Variants in NFS1 observed in about 807,000 individuals in gnomAD.
NFS1 encodes NFS1 cysteine desulfurase, also known as cysteine desulfurase.
Under a neutral mutation model 57.3 loss-of-function variants are expected in NFS1, and 26 were observed. The observed-to-expected ratio is 0.45, with a 90% CI of 0.33 to 0.63. The LOEUF is 0.63. NFS1 is among the 20% of genes least tolerant of loss of function. The pLI, the probability that NFS1 is intolerant of heterozygous loss-of-function variation, is 0.02. For synonymous variants in NFS1, 209 were observed against 216.3 expected (o/e 0.97, Z 0.30); for missense variants, 505 against 605.8 (o/e 0.83, Z 1.75).
In NFS1 at chr20:35,686,350, CAA is replaced by C. The variant is rs55861739; in HGVS notation, c.561+4061_561+4062del. ...GGGCAATAAGAGCGAAACTCCATCT[CAA>C]AAAAAAAAAAAAAAAAAAGTGCAAA... On this transcript the variant is annotated intron_variant, in intron 5 of 12. Coordinates refer to ENST00000374092, the MANE Select transcript of NFS1 (RefSeq NM_021100.5). Among the ~76,000 whole-genome samples, 118 of 69,528 alleles carry C rather than the reference CAA, an allele frequency of 1.7e-3. 1 individual carries two copies. Among genetic ancestry groups the C allele is most frequent in the Middle Eastern group, 7.5e-3 (1 of 134 alleles). The allele number at this position is 69,528 out of a possible 152,430, so 45.6% of individuals were successfully genotyped here. A position where few individuals can be genotyped will look rare whatever the true frequency, so the allele number is the denominator to read the frequency against.
At chr20:35,671,823 C>T (rs1329541912) in intron 12 of NFS1, among the ~76,000 whole-genome samples, 3 of 134,322 alleles carry the variant, frequency 2.2e-5, no homozygotes, top group Non-Finnish European at 4.7e-5. Flanking sequence ...TTGGGAGGCA[C>T]AAGTTGCAGT....
intron 5 of NFS1, among the ~76,000 whole-genome samples, chr20:35,686,580 G>C (rs925241065): frequency 2.0e-5 from 3 of 152,010 alleles, no homozygotes; most frequent in African/African-American, 7.3e-5. Flanking sequence ...TGAATATCAG[G>C]CAAAATGAAG....
intron 5 of NFS1, among the ~76,000 whole-genome samples, chr20:35,683,928 A>G (rs1213876564): frequency 1.3e-5 from 2 of 151,452 alleles, no homozygotes; most frequent in African/African-American, 4.9e-5. Context: ...AGCCTGGCCA[A>G]CATGGTGAAA....
intron 5 of NFS1, among the ~76,000 whole-genome samples, chr20:35,683,858 T>A (rs920970784): frequency 6.7e-6 from 1 of 149,620 alleles, no homozygotes; most frequent in Non-Finnish European, 1.5e-5. Flanking sequence ...CTGGGTATGG[T>A]GGCTCACGCC....
intron 7 of NFS1, among the ~76,000 whole-genome samples, chr20:35,676,758 G>GAAAAAAAAAA (rs746820595): frequency 5.5e-3 from 100 of 18,058 alleles, no homozygotes; most frequent in Admixed American, 9.2e-3. Flanking sequence ...GAGAAAATCA[G>GAAAAAAAAAA]AAAAAAAAAA....
intron 6 of NFS1, 106 bp downstream of exon 6, chr20:35,681,782 C>G (rs185735758): frequency 3.2e-6 from 2 of 625,966 alleles, no homozygotes; most frequent in East Asian, 5.6e-5. Context: ...CTTAGGCTTT[C>G]CCTTGATTTC....
chr20:35,682,894 CA>C (rs1236584722), intron 5 of NFS1: 2 of 161,002 alleles, frequency 1.2e-5, no homozygotes, highest in Non-Finnish European at 1.3e-5. Flanking sequence ...CTGGCTAACA[CA>C]GTGAAACCCT....
intron 10 of NFS1, 74 bp downstream of exon 10, chr20:35,674,276 C>G: frequency 8.5e-7 from 1 of 1,177,594 alleles, no homozygotes; most frequent in Non-Finnish European, 1.3e-6. Context: ...CATCTCCACA[C>G]TGGGAAGTTT....
chr20:35,689,490 C>T (rs965453259), intron 5 of NFS1, among the ~76,000 whole-genome samples: 2 of 151,706 alleles, frequency 1.3e-5, no homozygotes, highest in South Asian at 2.1e-4. Context: ...CAAGTGTGGC[C>T]GGGCACGGTG....
intron 4 of NFS1, among the ~76,000 whole-genome samples, chr20:35,693,108 GTTTA>G (rs946197735): frequency 1.3e-5 from 2 of 151,838 alleles, no homozygotes; most frequent in Non-Finnish European, 2.9e-5. Flanking sequence ...TTTTATTTTT[GTTTA>G]TTTATTTTTT....
chr20:35,691,359 A>G (rs1367566269), intron 4 of NFS1, among the ~76,000 whole-genome samples: 1 of 152,086 alleles, frequency 6.6e-6, no homozygotes. Context: ...TACTGTTAAT[A>G]TCACAAGAAA....
chr20:35,686,437 A>G (rs1404664628), intron 5 of NFS1, among the ~76,000 whole-genome samples: 1 of 152,098 alleles, frequency 6.6e-6, no homozygotes, highest in Non-Finnish European at 1.5e-5. Flanking sequence ...CTGGAATATG[A>G]CAGTGATGAT....
At chr20:35,685,896 A>ATTT (rs2034932912) in intron 5 of NFS1, among the ~76,000 whole-genome samples, 1 of 150,070 alleles carries the variant, frequency 6.7e-6, no homozygotes, top group South Asian at 2.1e-4. Flanking sequence ...CACAGGGGTA[A>ATTT]AACTCCATGA....
rs1286015739 is a variant in NFS1 at position 35,698,579 on chromosome 20, C to A, written c.109G>T (p.Ala37Ser). Residue 37 changes from alanine to serine, a missense_variant, in exon 2 of 13, where the codon GCT becomes TCT. Ala to Ser is a moderately conservative substitution (Grantham distance 99, BLOSUM62 1). Transcript: ENST00000374092. Reference protein sequence around the residue: ...RGLRLRVGDRAPQSAVPADTA... With the variant: ...RGLRLRVGDRSPQSAVPADTA... ...TCTGCGGGAACCGCAGACTGAGGAGCACGGTCTCCAACTGATAAAAAATGG... is the reference window on the plus strand; with the variant it reads ...TCTGCGGGAACCGCAGACTGAGGAGAACGGTCTCCAACTGATAAAAAATGG... 3.1e-6 allele frequency: 5 copies of A among 1,611,414 alleles called. No homozygotes were observed. Among genetic ancestry groups the A allele is most frequent in the Non-Finnish European group, 3.4e-6 (4 of 1,179,170 alleles).
chr20:35,682,977 C>T (rs1297337382), intron 5 of NFS1, among the ~76,000 whole-genome samples: 2 of 151,858 alleles, frequency 1.3e-5, no homozygotes, highest in African/African-American at 4.8e-5. Flanking sequence ...ACTTGGGAGA[C>T]TGAGGCAGGG....
At chr20:35,687,422 C>A (rs1467373876) in intron 5 of NFS1, among the ~76,000 whole-genome samples, 1 of 151,714 alleles carries the variant, frequency 6.6e-6, no homozygotes, top group Non-Finnish European at 1.5e-5. Flanking sequence ...TCTCCTCTCT[C>A]TCTCTCTCTC....
At position 35,676,779 on chromosome 20, in the gene NFS1, AAAAAAAC is replaced by A. The variant is rs1416455274; in HGVS notation, c.791-1584_791-1578del. Among the ~76,000 whole-genome samples, 885 of 148,492 alleles carry A rather than the reference AAAAAAAC, an allele frequency of 6.0e-3. 21 individuals are homozygous for A. The highest frequency in any genetic ancestry group is 0.028 in the East Asian group (142 of 5,028). ...ATCAGAAAAAAAAAAAAAAAAAAAA[AAAAAAAC>A]CAAGAAAGAAATTACCTCCCCAGAA... On this transcript the variant is annotated intron_variant, in intron 7 of 12. Coordinates refer to ENST00000374092, the MANE Select transcript of NFS1 (RefSeq NM_021100.5).
Position 35,672,772 on chromosome 20 carries a change from C to A in NFS1, c.1293G>T (p.Lys431Asn). 1 of 1,612,170 alleles carries A rather than the reference C, an allele frequency of 6.2e-7. No homozygotes were observed. Among genetic ancestry groups the A allele is most frequent in the Non-Finnish European group, 8.5e-7 (1 of 1,178,222 alleles). Reference protein sequence around the residue: ...YTVEKCIQHVKRLREMSPLWE... With the variant: ...YTVEKCIQHVNRLREMSPLWE... ...ATGTATACCTCATTTCTCGAAGACG[C>A]TTCACATGCTGAATGCATTTCTCCA... is the stretch of plus-strand genomic sequence containing the variant. The change falls in exon 12 of 13, where the codon AAG (lysine) becomes AAT (asparagine). Residue 431 changes from lysine to asparagine, a missense_variant. Transcript: ENST00000374092.
chr20:35,673,152 G>A (rs567282638), intron 11 of NFS1, among the ~76,000 whole-genome samples: 1 of 152,068 alleles, frequency 6.6e-6, no homozygotes. Flanking sequence ...GCTGGGCCTG[G>A]TGGCACATGT....
Sources: gnomAD v4.1 joint callset for allele counts (sites outside exome capture counted in the v4.1 genomes callset) on GRCh38, gnomAD v4.1.1 for gene constraint, MANE v1.5 for transcripts, NCBI Gene and HGNC (gene_info 2026-07-23, HGNC 2026-07-21) for gene names.